Variants in FREM2 observed in about 807,000 individuals in gnomAD.
FREM2 encodes the protein FRAS1 related extracellular matrix 2.
FREM2 carries 119 observed loss-of-function variants against 219.9 expected under a neutral mutation model. The observed-to-expected ratio is 0.54, with a 90% CI of 0.47 to 0.63. The LOEUF is 0.63. Ranked by LOEUF, FREM2 falls within the 30% of genes least tolerant of loss-of-function variation. FREM2 has a pLI of 0.00. For synonymous variants in FREM2, 1,562 were observed against 1,522.8 expected, an observed-to-expected ratio of 1.03 and a Z score of -0.60; for missense variants, 4,030 against 3,993.6, an observed-to-expected ratio of 1.01 and a Z score of -0.25.
At chr13:38,851,901 A>G (rs73184796) in intron 11 of FREM2, 33 bp downstream of exon 11, 31,446 of 1,579,492 alleles carry the variant, frequency 0.02, 381 homozygotes, top group Non-Finnish European at 0.023. Flanking sequence ...CTCCTGATGG[A>G]TCATGCCAAC....
At chr13:38,867,085 A>G (rs1245809203) in intron 16 of FREM2, among the ~76,000 whole-genome samples, 1 of 152,232 alleles carries the variant, frequency 6.6e-6, no homozygotes, top group Non-Finnish European at 1.5e-5. Context: ...TAGAAAAGTC[A>G]TTACTCTGCT....
At chr13:38,789,701 A>G (rs1190069992) in intron 6 of FREM2, among the ~76,000 whole-genome samples, 1 of 151,142 alleles carries the variant, frequency 6.6e-6, no homozygotes, top group Non-Finnish European at 1.5e-5. Flanking sequence ...ACTGAGATTT[A>G]TTTTGATAAC....
intron 6 of FREM2, among the ~76,000 whole-genome samples, chr13:38,821,285 C>A (rs1876041140): frequency 1.3e-5 from 2 of 151,762 alleles, no homozygotes; most frequent in African/African-American, 4.8e-5. Context: ...TTGTAATTGG[C>A]CTAAAATCTT....
intron 2 of FREM2, among the ~76,000 whole-genome samples, chr13:38,720,620 T>C (rs988649131): frequency 6.6e-6 from 1 of 152,198 alleles, no homozygotes; most frequent in African/African-American, 2.4e-5. Context: ...GTCAAGGGCA[T>C]GTTTCTGGTC....
chr13:38,850,153 C>T lies in FREM2; in HGVS notation c.6495C>T (p.Tyr2165=), dbSNP rs143689495. The change falls in exon 9 of 24, where the codon TAC becomes TAT. Residue 2165 remains tyrosine, a synonymous_variant. Transcript: ENST00000280481. ...DVQYRSSVRC[Y]TRQGSAQVMM... ...AGTACAGATCTTCAGTGAGATGCTACACCCGGCAGGGGTCTGCACAGGTGA... is the reference window on the plus strand; with the variant it reads ...AGTACAGATCTTCAGTGAGATGCTATACCCGGCAGGGGTCTGCACAGGTGA... The T allele has an allele frequency of 6.8e-6, 11 of 1,613,936 alleles. No individual in the cohort carries two copies. The Admixed American group carries it at 8.3e-5, about 12-fold the overall frequency.
intron 6 of FREM2, among the ~76,000 whole-genome samples, chr13:38,788,989 C>T (rs1874443810): frequency 6.6e-6 from 1 of 151,964 alleles, no homozygotes; most frequent in Non-Finnish European, 1.5e-5. Context: ...CCCATATATG[C>T]TTGAAGAAAC....
chr13:38,746,148 G>C (rs1872471062), intron 2 of FREM2, among the ~76,000 whole-genome samples: 1 of 152,036 alleles, frequency 6.6e-6, no homozygotes, highest in South Asian at 2.1e-4. Flanking sequence ...TCCTAAATTG[G>C]TCTTTAGACC....
In FREM2 at chr13:38,687,082, T is replaced by TGGAGGGATTCAATTCTCCGCGC; in HGVS notation, c.-261_-240dup. ...GGTCCGGGGACCTGGAAAGTAGAAG[T>TGGAGGGATTCAATTCTCCGCGC]GGAGGGATTCAATTCTCCGCGCGAT... On this transcript the variant is annotated 5_prime_UTR_variant, in exon 1 of 24. Coordinates refer to ENST00000280481, the MANE Select transcript of FREM2 (RefSeq NM_207361.6). 1.7e-6 allele frequency: 1 copy of TGGAGGGATTCAATTCTCCGCGC among 572,630 alleles called. No homozygotes were observed. The highest frequency in any genetic ancestry group is 3.1e-6 in the Non-Finnish European group (1 of 322,030). The allele number at this position is 572,630 out of a possible 1,614,324, so 35.5% of individuals were successfully genotyped here. A position where few individuals can be genotyped will look rare whatever the true frequency, so the allele number is the denominator to read the frequency against.
chr13:38,792,780 TTA>T (rs1874615222), intron 6 of FREM2, among the ~76,000 whole-genome samples: 1 of 152,166 alleles, frequency 6.6e-6, no homozygotes, highest in Non-Finnish European at 1.5e-5. Flanking sequence ...GGATTTTTTT[TTA>T]ATCATTCGAT....
chr13:38,692,300 C>G lies in FREM2; in HGVS notation c.4956C>G (p.Asp1652Glu), dbSNP rs1381282387. ...TGAAGATCCAGGTCTTGGCTGTTGA[C>G]AACAGTGTCCCCCAAATCGCAGTGA... ...QVMKIQVLAV[D>E]NSVPQIAVNK... Residue 1652 changes from aspartate to glutamate, a missense_variant, in exon 1 of 24, where the codon GAC (aspartate) becomes GAG (glutamate). Asp to Glu is a conservative substitution (Grantham distance 45). Around this residue, in one of 2 missense-constraint regions of FREM2, gnomAD observed 3,102 missense variants for 2,950.7 expected, o/e 1.05. Coordinates refer to ENST00000280481, the MANE Select transcript of FREM2 (RefSeq NM_207361.6). 1.9e-6 allele frequency: 3 copies of G among 1,611,226 alleles called. No homozygotes were observed. Among genetic ancestry groups the G allele is most frequent in the Non-Finnish European group, 2.5e-6 (3 of 1,178,514 alleles).
chr13:38,858,019 G>A lies in FREM2; in HGVS notation c.7201G>A (p.Val2401Ile), dbSNP rs551010907. 4 of 1,613,782 alleles carry A rather than the reference G, an allele frequency of 2.5e-6. No individual in the cohort carries two copies. Among genetic ancestry groups the A allele is most frequent in the East Asian group, 2.2e-5 (1 of 44,870 alleles). ...TGCTGAACCCATGTCTGGCTATCCTGTCATCTGTATCACAGTGAGTAGGAG... is the reference window on the plus strand; with the variant it reads ...TGCTGAACCCATGTCTGGCTATCCTATCATCTGTATCACAGTGAGTAGGAG... Reference protein sequence around the residue: ...ESAEPMSGYPVICITACNPKY... With the variant: ...ESAEPMSGYPIICITACNPKY... The change falls in exon 13 of 24, where the codon GTC (valine) becomes ATC (isoleucine). Residue 2401 changes from valine to isoleucine, a missense_variant. Val to Ile is a conservative substitution (Grantham distance 29). Transcript: ENST00000280481.
At chr13:38,796,950 A>C (rs185526343) in intron 6 of FREM2, among the ~76,000 whole-genome samples, 1 of 151,954 alleles carries the variant, frequency 6.6e-6, no homozygotes, top group Admixed American at 6.6e-5. Context: ...GTGCAATGAT[A>C]GCTGCAGCCT....
intron 6 of FREM2, among the ~76,000 whole-genome samples, chr13:38,817,006 C>G (rs1875793304): frequency 6.6e-6 from 1 of 151,836 alleles, no homozygotes; most frequent in Non-Finnish European, 1.5e-5. Flanking sequence ...TAAATTTAGT[C>G]AAGGAGGTGA....
Position 38,690,105 on chromosome 13 carries a change from A to G in FREM2, c.2761A>G (p.Arg921Gly). 3 of 1,614,152 alleles carry G rather than the reference A, an allele frequency of 1.9e-6. No individual in the cohort carries two copies. The highest frequency in any genetic ancestry group is 2.5e-6 in the Non-Finnish European group (3 of 1,180,038). Residue 921 changes from arginine to glycine, a missense_variant, in exon 1 of 24, where the codon AGA becomes GGA. Transcript: ENST00000280481. ...TAGCTGCTCCTTGGAAGTCAGTGAC[A>G]GACATCATGTGGTGCCCATCACTCT... Reference protein sequence around the residue: ...TDSCSLEVSDRHHVVPITLRV... With the variant: ...TDSCSLEVSDGHHVVPITLRV...
chr13:38,860,061 G>A (rs747646345), intron 14 of FREM2, among the ~76,000 whole-genome samples: 3 of 152,110 alleles, frequency 2.0e-5, no homozygotes, highest in Admixed American at 6.6e-5. Flanking sequence ...TTGTGGGAAT[G>A]GCAAGCAGAG....
At chr13:38,695,848 A>G (rs2138077005) in intron 1 of FREM2, among the ~76,000 whole-genome samples, 1 of 152,342 alleles carries the variant, frequency 6.6e-6, no homozygotes, top group Non-Finnish European at 1.5e-5. Context: ...TTCATTTTAA[A>G]TTGAGAAACA....
rs1566178134 is a variant in FREM2, at chr13:38,882,177, C to A, written c.*1390C>A. 1 of 152,086 alleles carries A rather than the reference C, an allele frequency of 6.6e-6. No individual in the cohort carries two copies. The allele number at this position is 152,086 out of a possible 1,614,324, so 9.4% of individuals were successfully genotyped here. A position where few individuals can be genotyped will look rare whatever the true frequency, so the allele number is the denominator to read the frequency against. ...CATCAATGTGTTTGTTACCAAATAG[C>A]AGAAATTTCGCTTAGAAGGGGAAAA... is the stretch of plus-strand genomic sequence containing the variant. On this transcript the variant is annotated 3_prime_UTR_variant, in exon 24 of 24. Transcript: ENST00000280481.
chr13:38,746,041 T>C (rs1269662726), intron 2 of FREM2, among the ~76,000 whole-genome samples: 1 of 152,204 alleles, frequency 6.6e-6, no homozygotes, highest in Non-Finnish European at 1.5e-5. Context: ...AATTAGGGAA[T>C]CCTGCCTCAG....
intron 4 of FREM2, among the ~76,000 whole-genome samples, chr13:38,773,873 T>C (rs1873768749): frequency 6.6e-6 from 1 of 152,102 alleles, no homozygotes; most frequent in African/African-American, 2.4e-5. Flanking sequence ...TATAACTCTG[T>C]GATTTATATA....
Sources: allele counts gnomAD v4.1 joint callset (sites outside exome capture counted in the v4.1 genomes callset), GRCh38; gene constraint gnomAD v4.1.1; regional missense constraint gnomAD v4.1.1; transcripts MANE v1.5; gene names NCBI Gene and HGNC (gene_info 2026-07-23, HGNC 2026-07-21).